RAB38: variants seen among roughly 807,000 people sequenced by gnomAD.
The protein encoded by RAB38 is ras-related protein Rab-38.
A neutral mutation model predicts 18.4 loss-of-function variants in RAB38; 15 were observed. The ratio of observed to expected loss-of-function variants is 0.82; its 90% confidence interval spans 0.55 to 1.26. The LOEUF is 1.26. Ranked by LOEUF, RAB38 falls within the 50% of genes most tolerant of loss-of-function variation. The pLI, the probability that RAB38 is intolerant of heterozygous loss-of-function variation, is 0.00. For synonymous variants in RAB38, 101 were observed against 104.4 expected (o/e 0.97, Z 0.20); for missense variants, 294 against 267.4 (o/e 1.10, Z -0.69).
At chr11:88,172,294 T>C (rs1375130821) in intron 1 of RAB38, among the ~76,000 whole-genome samples, 1 of 152,200 alleles carries the variant, frequency 6.6e-6, no homozygotes, top group African/African-American at 2.4e-5. Context: ...TGGTGGGATT[T>C]ATCATCTTGT....
chr11:88,077,276 CACAGGAACAAACAT>C, the RAB38 span, among the ~76,000 whole-genome samples: 1 of 151,854 alleles, frequency 6.6e-6, no homozygotes, highest in Non-Finnish European at 1.5e-5. Context: ...TGACATTCTT[CACAGGAACAAACAT>C]ACTAAAAATC....
the RAB38 span, among the ~76,000 whole-genome samples, chr11:87,821,612 G>A: frequency 6.6e-6 from 1 of 152,088 alleles, no homozygotes; most frequent in Non-Finnish European, 1.5e-5. Flanking sequence ...CACTTTGGGA[G>A]GCCGAGGCGG....
chr11:88,104,709 G>A, the RAB38 span, among the ~76,000 whole-genome samples: 3 of 152,070 alleles, frequency 2.0e-5, no homozygotes, highest in African/African-American at 4.8e-5. Flanking sequence ...GCCTGTGATT[G>A]AGCACTATTT....
chr11:88,124,166 T>C (rs1275282848), intron 2 of RAB38, among the ~76,000 whole-genome samples: 1 of 152,166 alleles, frequency 6.6e-6, no homozygotes, highest in Non-Finnish European at 1.5e-5. Context: ...CTTTTTGTAT[T>C]TGGATTGTCA....
chr11:88,030,413 C>G, the RAB38 span, among the ~76,000 whole-genome samples: 10 of 152,138 alleles, frequency 6.6e-5, no homozygotes, highest in Non-Finnish European at 8.8e-5. Flanking sequence ...ACACAAAAAA[C>G]TCTTCAAAAA....
intron 2 of RAB38, among the ~76,000 whole-genome samples, chr11:88,145,263 C>A (rs1350783027): frequency 3.9e-5 from 6 of 151,986 alleles, no homozygotes; most frequent in Admixed American, 2.6e-4. Flanking sequence ...GATTCTCCTA[C>A]CTCAGCCTCC....
At chr11:87,841,449 A>G in the RAB38 span, among the ~76,000 whole-genome samples, 1 of 152,142 alleles carries the variant, frequency 6.6e-6, no homozygotes, top group African/African-American at 2.4e-5. Context: ...TATCTTTACT[A>G]TTGTGCTCAA....
At chr11:88,091,935 A>C in the RAB38 span, among the ~76,000 whole-genome samples, 1 of 152,002 alleles carries the variant, frequency 6.6e-6, no homozygotes, top group East Asian at 2.0e-4. Context: ...GAGGCACGTC[A>C]ATGGAAATTG....
At chr11:88,158,226 T>A (rs1289494770) in intron 1 of RAB38, among the ~76,000 whole-genome samples, 3 of 151,930 alleles carry the variant, frequency 2.0e-5, no homozygotes, top group Non-Finnish European at 4.4e-5. Flanking sequence ...CAAGATTGAA[T>A]CAGAAAGGAA....
the RAB38 span, among the ~76,000 whole-genome samples, chr11:87,901,103 A>G: frequency 6.6e-6 from 1 of 151,534 alleles, no homozygotes; most frequent in Non-Finnish European, 1.5e-5. Context: ...CTCTGGCTGC[A>G]CATTGGAATC....
the RAB38 span, among the ~76,000 whole-genome samples, chr11:87,918,975 C>T: frequency 6.6e-6 from 1 of 151,140 alleles, no homozygotes; most frequent in African/African-American, 2.4e-5. Context: ...TGAAGCTTTC[C>T]CCATATGTTT....
the RAB38 span, among the ~76,000 whole-genome samples, chr11:87,944,149 CATAG>C: frequency 6.6e-6 from 1 of 151,972 alleles, no homozygotes; most frequent in Admixed American, 6.6e-5. Context: ...TAAAAAGAAA[CATAG>C]ATATATTAAT....
the RAB38 span, among the ~76,000 whole-genome samples, chr11:87,970,408 C>T: frequency 6.6e-6 from 1 of 151,866 alleles, no homozygotes. Context: ...GTGTTTTGCA[C>T]TAATTTTGCT....
the RAB38 span, among the ~76,000 whole-genome samples, chr11:88,014,129 A>G: frequency 2.6e-5 from 4 of 152,190 alleles, no homozygotes; most frequent in Non-Finnish European, 5.9e-5. Flanking sequence ...AGTAGGAGAA[A>G]TAAACGGATT....
chr11:88,027,592 T>G, the RAB38 span, among the ~76,000 whole-genome samples: 1 of 152,052 alleles, frequency 6.6e-6, no homozygotes, highest in Non-Finnish European at 1.5e-5. Flanking sequence ...GCTGGGAGGG[T>G]CCTACGCCCA....
the RAB38 span, among the ~76,000 whole-genome samples, chr11:88,025,287 G>C: frequency 6.6e-6 from 1 of 151,138 alleles, no homozygotes; most frequent in Non-Finnish European, 1.5e-5. Context: ...ATCATTGATG[G>C]GCACCTAGCT....
At chr11:87,971,922 GTT>G in the RAB38 span, among the ~76,000 whole-genome samples, 11,241 of 135,054 alleles carry the variant, frequency 0.083, 503 homozygotes, top group East Asian at 0.14. Context: ...GTGTAAAAGC[GTT>G]TTTTTTTTTT....
At chr11:88,066,518 T>C in the RAB38 span, among the ~76,000 whole-genome samples, 3 of 152,336 alleles carry the variant, frequency 2.0e-5, no homozygotes, top group South Asian at 4.1e-4. Flanking sequence ...CTATGTGATA[T>C]AGTTACTAAG....
At chr11:88,135,354 T>C (rs1338086488) in intron 2 of RAB38, among the ~76,000 whole-genome samples, 1 of 152,208 alleles carries the variant, frequency 6.6e-6, no homozygotes, top group African/African-American at 2.4e-5. Flanking sequence ...ATCTATTTTG[T>C]CCACTGGTAT....
Sources: allele counts gnomAD v4.1 joint callset (sites outside exome capture counted in the v4.1 genomes callset), GRCh38; gene constraint gnomAD v4.1.1; transcripts MANE v1.5; gene names NCBI Gene and HGNC (gene_info 2026-07-23, HGNC 2026-07-21).